DNAH14: variants seen among roughly 807,000 people sequenced by gnomAD.
DNAH14 encodes dynein axonemal heavy chain 14.
Under a neutral mutation model 520.9 loss-of-function variants are expected in DNAH14, and 478 were observed. The observed-to-expected ratio is 0.92, with a 90% CI of 0.85 to 0.99. DNAH14 has a LOEUF of 0.99. Among genes scored for constraint, DNAH14 ranks in the 50% least tolerant of loss-of-function variants. DNAH14 has a pLI of 0.00. For missense variants in DNAH14, 4,831 were observed against 5,234.5 expected (o/e 0.92, Z 2.38); for synonymous variants, 1,581 against 1,757.2 (o/e 0.90, Z 2.51).
intron 38 of DNAH14, among the ~76,000 whole-genome samples, chr1:225,196,770 T>C (rs911288069): frequency 2.0e-5 from 3 of 152,188 alleles, no homozygotes; most frequent in African/African-American, 7.2e-5. Context: ...ATTAGTGATG[T>C]TGAGCATTTT....
At chr1:225,180,395 A>T (rs2083841512) in intron 36 of DNAH14, among the ~76,000 whole-genome samples, 1 of 152,188 alleles carries the variant, frequency 6.6e-6, no homozygotes, top group South Asian at 2.1e-4. Flanking sequence ...TAAAGAAAAG[A>T]GGTGTATTTG....
intron 15 of DNAH14, among the ~76,000 whole-genome samples, chr1:225,045,218 C>T (rs1265680401): frequency 6.6e-6 from 1 of 151,456 alleles, no homozygotes; most frequent in Non-Finnish European, 1.5e-5. Flanking sequence ...TGGGTCTAAA[C>T]ATCTGATTAT....
Position 225,038,728 on chromosome 1 carries a change from A to ACAACAAATG in DNAH14, c.1394_1402dup (p.Asn467_Asp468insAlaThrAsn). On this transcript the variant is annotated inframe_insertion, in exon 12 of 86. Transcript: ENST00000682510. ...GGACAACTCTTTTCCTACTGGAAAG[A>ACAACAAATG]CAACAAATGATTGTGAAGAACTTGT... The ACAACAAATG allele has an allele frequency of 6.5e-7, 1 of 1,533,012 alleles. No individual in the cohort carries two copies. The highest frequency in any genetic ancestry group is 8.8e-7 in the Non-Finnish European group (1 of 1,141,530). 95.0% of individuals were successfully genotyped at this position (1,533,012 alleles called of 1,614,324 possible).
chr1:225,291,650 A>G (rs1380102600), intron 55 of DNAH14, among the ~76,000 whole-genome samples: 2 of 152,224 alleles, frequency 1.3e-5, no homozygotes, highest in East Asian at 3.9e-4. Flanking sequence ...AGGAACCTCC[A>G]TACTATTTGC....
intron 36 of DNAH14, among the ~76,000 whole-genome samples, chr1:225,177,986 G>A (rs2083514957): frequency 6.6e-6 from 1 of 152,132 alleles, no homozygotes; most frequent in South Asian, 2.1e-4. Flanking sequence ...GCCAGCCCTT[G>A]AAAACAGCCA....
At chr1:225,265,490 A>T (rs1424397214) in intron 48 of DNAH14, 121 bp downstream of exon 48, 5 of 790,726 alleles carry the variant, frequency 6.3e-6, no homozygotes, top group Non-Finnish European at 9.4e-6. Context: ...ACATCATAGA[A>T]GATGCAATGT....
rs184649650 is a variant in DNAH14 at position 225,299,163 on chromosome 1, C to T, written c.8470-1706C>T. Among the ~76,000 whole-genome samples, 39 of 152,330 alleles carry T rather than the reference C, an allele frequency of 2.6e-4. 1 individual carries two copies. The highest frequency in any genetic ancestry group is 7.7e-4 in the African/African-American group (32 of 41,576). On this transcript the variant is annotated intron_variant, in intron 55 of 85. Coordinates refer to ENST00000682510, the MANE Select transcript of DNAH14 (RefSeq NM_001367479.1). ...CCAGGCCCAGAATATACTATATTTA[C>T]GTACAAGCAAAAATTGCTAATCACT... is the stretch of plus-strand genomic sequence containing the variant.
intron 39 of DNAH14, 45 bp downstream of exon 39, chr1:225,204,318 A>G: frequency 8.8e-7 from 1 of 1,131,850 alleles, no homozygotes; most frequent in Non-Finnish European, 1.2e-6. Flanking sequence ...ATAGAAGACA[A>G]ACTCTCAACC....
chr1:225,280,793 C>G (rs1242501779), intron 54 of DNAH14, among the ~76,000 whole-genome samples: 1 of 152,104 alleles, frequency 6.6e-6, no homozygotes, highest in Non-Finnish European at 1.5e-5. Context: ...AGATTTACAG[C>G]TGACTTCTTA....
intron 5 of DNAH14, 66 bp from the exon 6 acceptor site, chr1:224,967,365 T>C: frequency 1.7e-6 from 2 of 1,164,622 alleles, no homozygotes; most frequent in East Asian, 2.8e-5. Context: ...TGTTCACCCA[T>C]TGTATTAATT....
chr1:225,386,479 C>T (rs1183544810), intron 81 of DNAH14, among the ~76,000 whole-genome samples: 1 of 152,140 alleles, frequency 6.6e-6, no homozygotes, highest in African/African-American at 2.4e-5. Context: ...GCAATCTACC[C>T]ATCTGACAAA....
chr1:224,943,196 A>G (rs1001564284), intron 1 of DNAH14, among the ~76,000 whole-genome samples: 12 of 152,254 alleles, frequency 7.9e-5, no homozygotes. Context: ...TTATTGGCCT[A>G]TTCAGAGATT....
chr1:225,308,353 TAAAC>T lies in DNAH14; in HGVS notation c.9185_9188del (p.Lys3062ArgfsTer10), dbSNP rs2094292389. ...TAGTTGAGAAAGTTCAGATGCTTGTTAAACAGGATGAAGAAATTGTGGCAGAAGA... is the reference window on the plus strand; with the variant it reads ...TAGTTGAGAAAGTTCAGATGCTTGTTAGGATGAAGAAATTGTGGCAGAAGA... On this transcript the variant is annotated frameshift_variant, in exon 60 of 86. Transcript: ENST00000682510. LOFTEE classifies it high-confidence loss of function. The T allele has an allele frequency of 1.3e-6, 2 of 1,542,974 alleles. No individual in the cohort carries two copies. The highest frequency in any genetic ancestry group is 8.7e-7 in the Non-Finnish European group (1 of 1,144,600).
chr1:225,146,961 A>G lies in DNAH14; in HGVS notation c.4795-143A>G, dbSNP rs926904717. On this transcript the variant is annotated intron_variant, in intron 30 of 85. Coordinates refer to ENST00000682510, the MANE Select transcript of DNAH14 (RefSeq NM_001367479.1). ...CTAAGCAGCTGCTGCTTTCAACCCT[A>G]TAAAAATGCCTAGGAGGGGGAAATG... 1.1e-5 allele frequency: 7 copies of G among 616,016 alleles called. No individual in the cohort carries two copies. The Admixed American group carries it at 2.2e-4, about 20-fold the overall frequency. 38.2% of individuals were successfully genotyped at this position (616,016 alleles called of 1,614,324 possible). A position where few individuals can be genotyped will look rare whatever the true frequency, so the allele number is the denominator to read the frequency against.
At chr1:225,248,955 T>C (rs2092427785) in intron 43 of DNAH14, among the ~76,000 whole-genome samples, 1 of 152,226 alleles carries the variant, frequency 6.6e-6, no homozygotes, top group South Asian at 2.1e-4. Context: ...AGTTTGTTCA[T>C]GGACTCATCC....
chr1:225,290,645 GTGTATATATATATATATATATATATATA>G (rs2093856380), intron 55 of DNAH14, among the ~76,000 whole-genome samples: 1 of 40,582 alleles, frequency 2.5e-5, no homozygotes, highest in Non-Finnish European at 4.0e-5. Flanking sequence ...GTGTGTGTGT[GTGTATATATATATATATATATATATATA>G]TATATATATA....
At chr1:225,358,798 C>T in intron 74 of DNAH14, 146 bp downstream of exon 74, 1 of 794,486 alleles carries the variant, frequency 1.3e-6, no homozygotes, top group Non-Finnish European at 1.9e-6. Context: ...GGATGGTTCC[C>T]CCCATGCTGT....
chr1:225,160,766 T>C (rs911959765), intron 35 of DNAH14, among the ~76,000 whole-genome samples: 3 of 152,180 alleles, frequency 2.0e-5, no homozygotes, highest in African/African-American at 7.2e-5. Flanking sequence ...GTCTTCTTCC[T>C]TGATTGCATT....
Position 224,968,865 on chromosome 1 carries a change from C to G in DNAH14, c.758C>G (p.Ser253Cys). 6.5e-7 allele frequency: 1 copy of G among 1,538,314 alleles called. No individual in the cohort carries two copies. The highest frequency in any genetic ancestry group is 8.8e-7 in the Non-Finnish European group (1 of 1,141,928). Residue 253 changes from serine to cysteine, a missense_variant, in exon 7 of 86, where the codon TCT becomes TGT. By Grantham distance (112) the Ser-to-Cys change is moderately radical (BLOSUM62 -1). Coordinates refer to ENST00000682510, the MANE Select transcript of DNAH14 (RefSeq NM_001367479.1). ...YYLLRQFKIF[S>C]DFRMNKAFVT... is the part of the protein sequence containing the mutation. ...TTATTACGGCAATTCAAGATATTTT[C>G]TGATTTCCGGTGAGGTGAAAAAAAT...
Sources: gnomAD v4.1 joint callset for allele counts (sites outside exome capture counted in the v4.1 genomes callset) on GRCh38, gnomAD v4.1.1 for gene constraint, MANE v1.5 for transcripts, NCBI Gene and HGNC (gene_info 2026-07-23, HGNC 2026-07-21) for gene names.